Variants in L3MBTL4 observed in about 807,000 individuals in gnomAD.
The protein encoded by L3MBTL4 is L3MBTL histone methyl-lysine binding protein 4.
Under a neutral mutation model 84.5 loss-of-function variants are expected in L3MBTL4, and 70 were observed. The ratio of observed to expected loss-of-function variants is 0.83; its 90% CI spans 0.68 to 1.01. The LOEUF is 1.01. Ranked by LOEUF, L3MBTL4 falls within the 50% of genes least tolerant of loss-of-function variation. The probability of loss-of-function intolerance (pLI) is 0.00; values close to 1 mark genes in which losing one functional copy is unlikely to be tolerated. For missense variants in L3MBTL4, 715 were observed against 754.8 expected, an observed-to-expected ratio of 0.95 and a Z score of 0.62; for synonymous variants, 274 against 259.8, an observed-to-expected ratio of 1.05 and a Z score of -0.52.
At chr18:6,110,585 T>TG (rs1243812362) in intron 14 of L3MBTL4, among the ~76,000 whole-genome samples, 2 of 108,552 alleles carry the variant, frequency 1.8e-5, no homozygotes, top group East Asian at 6.3e-4. Context: ...CATGTGTACG[T>TG]GGGGGGTTGT....
At chr18:6,111,607 C>T (rs1229407617) in intron 14 of L3MBTL4, among the ~76,000 whole-genome samples, 2 of 152,088 alleles carry the variant, frequency 1.3e-5, no homozygotes, top group Non-Finnish European at 2.9e-5. Flanking sequence ...AGAAACAGCC[C>T]GCTGCAAAGG....
intron 16 of L3MBTL4, among the ~76,000 whole-genome samples, chr18:6,076,132 C>T (rs1005956079): frequency 4.6e-5 from 7 of 152,170 alleles, no homozygotes; most frequent in African/African-American, 1.7e-4. Flanking sequence ...AGAAATTCCA[C>T]TCATAGATAT....
chr18:6,034,609 C>T lies in L3MBTL4; in HGVS notation c.1444+46272G>A, dbSNP rs200591500. Among the ~76,000 whole-genome samples, 798 of 152,220 alleles carry T rather than the reference C, an allele frequency of 5.2e-3. 40 individuals carry two copies. In the East Asian group the frequency reaches 0.12, roughly 24 times the overall value. On this transcript the variant is annotated intron_variant, in intron 16 of 18. Coordinates refer to ENST00000317931, the MANE Select transcript of L3MBTL4 (RefSeq NM_001330559.2). ...TGTAAATAGTGCCACAATAAACATA[C>T]GTGTGCATGTGTCTTTATAGCAGCA...
At chr18:6,364,782 T>C (rs1339291716) in intron 1 of L3MBTL4, among the ~76,000 whole-genome samples, 1 of 152,134 alleles carries the variant, frequency 6.6e-6, no homozygotes, top group Non-Finnish European at 1.5e-5. Context: ...CGATGCCTAA[T>C]ACTTTCATAA....
intron 16 of L3MBTL4, among the ~76,000 whole-genome samples, chr18:6,056,614 C>A (rs1382540536): frequency 6.6e-6 from 1 of 152,138 alleles, no homozygotes; most frequent in Non-Finnish European, 1.5e-5. Context: ...CTCAGGCCCA[C>A]CCCCAGGGCT....
intron 12 of L3MBTL4, among the ~76,000 whole-genome samples, chr18:6,186,219 T>A (rs928373375): frequency 3.3e-5 from 5 of 151,528 alleles, no homozygotes; most frequent in African/African-American, 9.7e-5. Flanking sequence ...GATTTTTGTA[T>A]TTAGTAGAGA....
intron 10 of L3MBTL4, among the ~76,000 whole-genome samples, chr18:6,236,082 C>T (rs2047204424): frequency 1.3e-5 from 2 of 152,178 alleles, no homozygotes; most frequent in South Asian, 4.2e-4. Flanking sequence ...TGCAGAAATT[C>T]ACAAGTTAAT....
At chr18:6,012,359 G>A (rs1309516111) in intron 16 of L3MBTL4, among the ~76,000 whole-genome samples, 1 of 152,174 alleles carries the variant, frequency 6.6e-6, no homozygotes, top group East Asian at 1.9e-4. Flanking sequence ...CAAGCAAATC[G>A]ACAAAAAGGA....
At chr18:6,248,123 C>A (rs1239278337) in intron 5 of L3MBTL4, among the ~76,000 whole-genome samples, 1 of 152,290 alleles carries the variant, frequency 6.6e-6, no homozygotes, top group Admixed American at 6.5e-5. Context: ...AATCCCCCCC[C>A]AAAAGGTTTG....
At chr18:6,405,797 A>G (rs2055710732) in intron 1 of L3MBTL4, among the ~76,000 whole-genome samples, 1 of 152,192 alleles carries the variant, frequency 6.6e-6, no homozygotes, top group Non-Finnish European at 1.5e-5. Context: ...AGCTGAAGAA[A>G]TAAACCTATT....
intron 5 of L3MBTL4, chr18:6,260,173 T>C (rs920319405): frequency 1.3e-5 from 2 of 152,252 alleles, no homozygotes; most frequent in African/African-American, 4.8e-5. Context: ...ACCAGTACCA[T>C]GCTGTTTGGT....
At chr18:6,036,631 ATTTT>A (rs2056153744) in intron 16 of L3MBTL4, among the ~76,000 whole-genome samples, 2 of 152,104 alleles carry the variant, frequency 1.3e-5, no homozygotes, top group African/African-American at 4.8e-5. Context: ...TTATTGACTT[ATTTT>A]TATTCATTTG....
chr18:5,988,631 T>TTACTCTG (rs1371215186), intron 16 of L3MBTL4, among the ~76,000 whole-genome samples: 1 of 152,080 alleles, frequency 6.6e-6, no homozygotes, highest in Non-Finnish European at 1.5e-5. Context: ...TCCAGAGTAA[T>TTACTCTG]GAGTCAATAT....
At chr18:6,098,655 G>T (rs1368803561) in intron 14 of L3MBTL4, among the ~76,000 whole-genome samples, 1 of 152,130 alleles carries the variant, frequency 6.6e-6, no homozygotes, top group Non-Finnish European at 1.5e-5. Context: ...GCTTCCTATA[G>T]CCCAGGAATT....
intron 4 of L3MBTL4, among the ~76,000 whole-genome samples, chr18:6,292,386 G>A (rs547999286): frequency 3.9e-5 from 6 of 151,972 alleles, no homozygotes; most frequent in Non-Finnish European, 5.9e-5. Flanking sequence ...TTGTAAAGTC[G>A]ACTCTCCTAA....
Position 6,171,908 on chromosome 18 carries a change from T to C in L3MBTL4, c.1016A>G (p.Tyr339Cys), listed in dbSNP as rs1188124670. ...ATCAGGGCTGTCTGCCTCCACCCAG[T>C]AGTCATACTTATGGTCCCAACCATC... is the stretch of plus-strand genomic sequence containing the variant. ...HFDGWDHKYDYWVEADSPDIH... is the reference protein window; with the variant it reads ...HFDGWDHKYDCWVEADSPDIH... Residue 339 changes from tyrosine to cysteine, a missense_variant, in exon 13 of 19, where the codon TAC becomes TGC. Tyr to Cys is a radical substitution (Grantham distance 194). Transcript: ENST00000317931. The C allele has an allele frequency of 6.4e-7, 1 of 1,555,878 alleles. No homozygotes were observed. The highest frequency in any genetic ancestry group is 1.9e-5 in the Admixed American group (1 of 51,456).
chr18:6,125,584 A>G (rs1317403796), intron 14 of L3MBTL4, among the ~76,000 whole-genome samples: 1 of 151,946 alleles, frequency 6.6e-6, no homozygotes, highest in Non-Finnish European at 1.5e-5. Context: ...ACACACCACC[A>G]CACCCCACTA....
At chr18:6,005,177 C>T in intron 16 of L3MBTL4, among the ~76,000 whole-genome samples, 1 of 151,512 alleles carries the variant, frequency 6.6e-6, no homozygotes, top group African/African-American at 2.4e-5. Flanking sequence ...AACCCCATCT[C>T]TACTAAAAAT....
chr18:6,112,834 T>C (rs2059235563), intron 14 of L3MBTL4, among the ~76,000 whole-genome samples: 1 of 152,202 alleles, frequency 6.6e-6, no homozygotes, highest in Non-Finnish European at 1.5e-5. Flanking sequence ...AATTTCTCAA[T>C]GGGATTCAAA....
Sources: allele counts gnomAD v4.1 joint callset (sites outside exome capture counted in the v4.1 genomes callset), GRCh38; gene constraint gnomAD v4.1.1; transcripts MANE v1.5; gene names NCBI Gene and HGNC (gene_info 2026-07-23, HGNC 2026-07-21).